MAD1L1: variants seen among roughly 807,000 people sequenced by gnomAD.
The protein encoded by MAD1L1 is mitotic arrest deficient 1 like 1, also known as mitotic spindle assembly checkpoint protein MAD1.
In MAD1L1, 95 loss-of-function variants were observed where a neutral mutation model predicts 96.9. That is an observed-to-expected ratio of 0.98 (90% confidence interval 0.83 to 1.16). The LOEUF (loss-of-function observed/expected upper bound fraction) is 1.16, where lower values mean the gene tolerates loss of function less well. Among genes scored for constraint, MAD1L1 ranks in the 50% most tolerant of loss-of-function variants. MAD1L1 has a pLI of 0.00. For missense variants in MAD1L1, 1,007 were observed against 954.4 expected (o/e 1.06, Z -0.73); for synonymous variants, 473 against 396.6 (o/e 1.19, Z -2.29).
chr7:2,018,970 TCTC>T (rs890461860), intron 12 of MAD1L1, among the ~76,000 whole-genome samples: 5 of 152,014 alleles, frequency 3.3e-5, no homozygotes, highest in Admixed American at 1.3e-4. Context: ...CTCCACAACT[TCTC>T]CTTTTTTTAG....
chr7:1,826,699 C>T (rs1169754541), intron 18 of MAD1L1, among the ~76,000 whole-genome samples: 1 of 152,258 alleles, frequency 6.6e-6, no homozygotes, highest in Non-Finnish European at 1.5e-5. Flanking sequence ...ACAGCTTGGA[C>T]AGAACGCCGA....
chr7:1,832,171 G>C (rs1182527406), intron 18 of MAD1L1, among the ~76,000 whole-genome samples: 1 of 152,144 alleles, frequency 6.6e-6, no homozygotes, highest in Admixed American at 6.5e-5. Flanking sequence ...GGAGGTCAAA[G>C]TATCACCATT....
intron 15 of MAD1L1, among the ~76,000 whole-genome samples, chr7:1,966,773 C>T (rs1439339427): frequency 2.0e-5 from 3 of 152,214 alleles, no homozygotes; most frequent in Non-Finnish European, 4.4e-5. Context: ...AGGCAGGAAC[C>T]GCGGTGAGGA....
intron 11 of MAD1L1, among the ~76,000 whole-genome samples, chr7:2,074,836 C>G (rs1011536864): frequency 6.6e-6 from 1 of 152,036 alleles, no homozygotes; most frequent in Non-Finnish European, 1.5e-5. Flanking sequence ...AAACCGGAGG[C>G]TGGGGGGGCC....
intron 17 of MAD1L1, among the ~76,000 whole-genome samples, chr7:1,903,546 T>C (rs1335097716): frequency 6.9e-6 from 1 of 144,176 alleles, no homozygotes; most frequent in East Asian, 2.1e-4. Flanking sequence ...GAAGACGCTC[T>C]TGCAGAATTC....
rs777758641 is a variant in MAD1L1 at position 2,219,392 on chromosome 7, C to T, written c.536G>A (p.Arg179Gln). 31 of 1,610,902 alleles carry T rather than the reference C, an allele frequency of 1.9e-5. No individual in the cohort carries two copies. The highest frequency in any genetic ancestry group is 1.7e-4 in the Middle Eastern group (1 of 6,056). The change falls in exon 6 of 19, where the codon CGG (arginine) becomes CAG (glutamine). Residue 179 changes from arginine (R) to glutamine (Q), a missense_variant. Coordinates refer to ENST00000265854, the MANE Select transcript of MAD1L1 (RefSeq NM_001013836.2). ...CTTCTCCGACTCCAGGCGCTTCACC[C>T]GCATCTCCTGGTCCATCACGCTCCA... Reference protein sequence around the residue: ...LQWSVMDQEMRVKRLESEKQE... With the variant: ...LQWSVMDQEMQVKRLESEKQE...
intron 11 of MAD1L1, among the ~76,000 whole-genome samples, chr7:2,095,719 C>T (rs1041249388): frequency 2.6e-5 from 4 of 152,334 alleles, no homozygotes; most frequent in African/African-American, 4.8e-5. Context: ...GACACACAGG[C>T]GCACAAGGCT....
chr7:2,127,555 C>G (rs138684873), intron 11 of MAD1L1, among the ~76,000 whole-genome samples: 2 of 152,180 alleles, frequency 1.3e-5, no homozygotes, highest in East Asian at 3.9e-4. Context: ...CGTCAGGAAC[C>G]TGGTGTAGGT....
chr7:2,094,449 A>G (rs558483592), intron 11 of MAD1L1, among the ~76,000 whole-genome samples: 1 of 152,332 alleles, frequency 6.6e-6, no homozygotes, highest in East Asian at 1.9e-4. Flanking sequence ...TAAGACACAA[A>G]AAACCAAAGT....
chr7:1,908,294 G>A (rs1027264886), intron 17 of MAD1L1, among the ~76,000 whole-genome samples: 25 of 152,216 alleles, frequency 1.6e-4, no homozygotes, highest in African/African-American at 5.5e-4. Context: ...ACCCTGCATG[G>A]CTGAAGACAT....
chr7:1,825,986 C>T (rs757919507), intron 18 of MAD1L1, among the ~76,000 whole-genome samples: 2 of 152,172 alleles, frequency 1.3e-5, no homozygotes, highest in African/African-American at 4.8e-5. Context: ...CGGCGCGGCC[C>T]CAGCTTGGCT....
chr7:1,869,555 T>C (rs1784943996), intron 18 of MAD1L1, among the ~76,000 whole-genome samples: 1 of 151,994 alleles, frequency 6.6e-6, no homozygotes, highest in Non-Finnish European at 1.5e-5. Flanking sequence ...AACCTCAGTA[T>C]CACAGGGACC....
intron 18 of MAD1L1, among the ~76,000 whole-genome samples, chr7:1,865,314 C>G (rs1025860734): frequency 2.0e-5 from 3 of 152,114 alleles, no homozygotes; most frequent in African/African-American, 7.2e-5. Flanking sequence ...CAAGGCCTGT[C>G]TGCCTGTCCC....
At chr7:1,925,771 T>C (rs1262486112) in intron 17 of MAD1L1, among the ~76,000 whole-genome samples, 1 of 152,224 alleles carries the variant, frequency 6.6e-6, no homozygotes. Flanking sequence ...ATGTGTGAAA[T>C]GCTGCTAATG....
intron 12 of MAD1L1, among the ~76,000 whole-genome samples, chr7:2,059,072 A>T (rs1215041179): frequency 3.7e-5 from 2 of 54,338 alleles, no homozygotes; most frequent in Admixed American, 2.1e-4. Flanking sequence ...AGGGCTGGAG[A>T]GGGAGTGTGG....
chr7:2,063,929 C>A (rs1562651776), intron 12 of MAD1L1, among the ~76,000 whole-genome samples: 1 of 152,184 alleles, frequency 6.6e-6, no homozygotes, highest in Non-Finnish European at 1.5e-5. Context: ...AATGGAGGGG[C>A]CTCCTCAAAC....
At chr7:1,965,719 T>G (rs1583937446) in intron 15 of MAD1L1, among the ~76,000 whole-genome samples, 1 of 152,212 alleles carries the variant, frequency 6.6e-6, no homozygotes, top group East Asian at 1.9e-4. Flanking sequence ...AGCCGTGCTC[T>G]CTGTCTGAAG....
chr7:2,048,805 CAGTGACTCACA>C (rs1784045518), intron 12 of MAD1L1, among the ~76,000 whole-genome samples: 1 of 152,268 alleles, frequency 6.6e-6, no homozygotes, highest in Admixed American at 6.5e-5. Context: ...CCCCACTCCA[CAGTGACTCACA>C]AGCCACCACT....
intron 11 of MAD1L1, among the ~76,000 whole-genome samples, chr7:2,087,346 C>T (rs2128542768): frequency 6.6e-6 from 1 of 152,256 alleles, no homozygotes; most frequent in African/African-American, 2.4e-5. Context: ...TCAAGACCAG[C>T]CTGACCAACA....
Sources: gnomAD v4.1 joint callset for allele counts (sites outside exome capture counted in the v4.1 genomes callset) on GRCh38, gnomAD v4.1.1 for gene constraint, MANE v1.5 for transcripts, NCBI Gene and HGNC (gene_info 2026-07-23, HGNC 2026-07-21) for gene names.